PTPRD: variants seen among roughly 807,000 people sequenced by gnomAD.
The protein encoded by PTPRD is protein tyrosine phosphatase receptor type D, also known as receptor-type tyrosine-protein phosphatase delta.
Under a neutral mutation model 214.5 loss-of-function variants are expected in PTPRD, and 34 were observed. The observed-to-expected ratio is 0.16, with a 90% confidence interval of 0.12 to 0.21. The LOEUF is 0.21. Among genes scored for constraint, PTPRD ranks in the 10% least tolerant of loss-of-function variants. The pLI is 1.00. For missense variants in PTPRD, 2,545 were observed against 2,398.7 expected, an observed-to-expected ratio of 1.06 and a Z score of -1.27; for synonymous variants, 1,128 against 845.7, an observed-to-expected ratio of 1.33 and a Z score of -5.79.
intron 3 of PTPRD, among the ~76,000 whole-genome samples, chr9:10,088,727 C>T (rs543964606): frequency 9.2e-5 from 14 of 151,816 alleles, no homozygotes; most frequent in South Asian, 6.2e-4. Flanking sequence ...AACATGTTTC[C>T]TATCTACATC....
At chr9:8,988,479 T>C (rs2099354056) in intron 11 of PTPRD, among the ~76,000 whole-genome samples, 1 of 152,092 alleles carries the variant, frequency 6.6e-6, no homozygotes, top group African/African-American at 2.4e-5. Context: ...GTGTTCATTA[T>C]TTAGGGTCAG....
intron 5 of PTPRD, among the ~76,000 whole-genome samples, chr9:9,797,949 G>A (rs531321277): frequency 2.6e-5 from 4 of 152,262 alleles, no homozygotes; most frequent in African/African-American, 9.6e-5. Flanking sequence ...ATAAAAGTAA[G>A]TTAAAGAGTT....
At chr9:10,288,479 G>A (rs966168678) in intron 3 of PTPRD, among the ~76,000 whole-genome samples, 2 of 152,096 alleles carry the variant, frequency 1.3e-5, no homozygotes, top group African/African-American at 2.4e-5. Context: ...TTTCAGAAAT[G>A]CAGAAGTAGA....
intron 9 of PTPRD, among the ~76,000 whole-genome samples, chr9:9,375,946 A>G (rs1460300501): frequency 6.6e-6 from 1 of 152,190 alleles, no homozygotes; most frequent in African/African-American, 2.4e-5. Context: ...CTTGCATGTT[A>G]CACATATTTT....
chr9:8,716,163 T>C (rs751434498), intron 12 of PTPRD, among the ~76,000 whole-genome samples: 40 of 152,160 alleles, frequency 2.6e-4, no homozygotes, highest in Non-Finnish European at 4.9e-4. Context: ...CTCCAGAGGA[T>C]GGATGAAACC....
chr9:10,551,755 C>T (rs1429349490), intron 2 of PTPRD, among the ~76,000 whole-genome samples: 1 of 152,184 alleles, frequency 6.6e-6, no homozygotes, highest in Non-Finnish European at 1.5e-5. Flanking sequence ...TTGCTTCCCA[C>T]TATTGCTTCC....
At chr9:10,514,995 G>A (rs2049548831) in intron 2 of PTPRD, among the ~76,000 whole-genome samples, 1 of 151,766 alleles carries the variant, frequency 6.6e-6, no homozygotes, top group Non-Finnish European at 1.5e-5. Context: ...TTTCTGAAGA[G>A]GAAAAAAGAG....
At chr9:8,445,524 A>C (rs1463768176) in intron 34 of PTPRD, among the ~76,000 whole-genome samples, 3 of 152,176 alleles carry the variant, frequency 2.0e-5, no homozygotes, top group Non-Finnish European at 4.4e-5. Context: ...ATGAAAGTGT[A>C]CAAGCACAAA....
chr9:9,285,228 T>C (rs1031884804), intron 9 of PTPRD, among the ~76,000 whole-genome samples: 2 of 151,794 alleles, frequency 1.3e-5, no homozygotes, highest in African/African-American at 4.8e-5. Context: ...ACTTGTCTTG[T>C]CACTTTTTCT....
intron 12 of PTPRD, among the ~76,000 whole-genome samples, chr9:8,683,834 G>A (rs557117581): frequency 1.3e-5 from 2 of 152,176 alleles, no homozygotes; most frequent in Admixed American, 1.3e-4. Flanking sequence ...TTTCTTCCCC[G>A]ACCAGAACCA....
chr9:8,323,625 C>T (rs1434307744), intron 44 of PTPRD, among the ~76,000 whole-genome samples: 1 of 152,048 alleles, frequency 6.6e-6, no homozygotes, highest in African/African-American at 2.4e-5. Flanking sequence ...ATAACTAGAA[C>T]TAGAAGTGGA....
chr9:8,829,567 C>T (rs10758997), intron 11 of PTPRD, among the ~76,000 whole-genome samples: 73,470 of 151,990 alleles, frequency 0.48, 18,698 homozygotes, highest in African/African-American at 0.65. Flanking sequence ...ACACATCACA[C>T]TGGGTTAGAA....
intron 39 of PTPRD, among the ~76,000 whole-genome samples, chr9:8,343,509 T>TGAGATCCATGAAGTCTCATTTTATTTA (rs1588171181): frequency 6.6e-6 from 1 of 152,066 alleles, no homozygotes; most frequent in East Asian, 1.9e-4. Flanking sequence ...TCCAGTTCCT[T>TGAGATCCATGAAGTCTCATTTTATTTA]GAGATCCATG....
chr9:9,894,222 T>C (rs941019341), intron 5 of PTPRD, among the ~76,000 whole-genome samples: 3 of 152,060 alleles, frequency 2.0e-5, no homozygotes, highest in East Asian at 3.9e-4. Context: ...TCTCTCTGCC[T>C]CTGTTATGGG....
intron 9 of PTPRD, among the ~76,000 whole-genome samples, chr9:9,247,902 C>A (rs1246324069): frequency 1.3e-5 from 2 of 152,090 alleles, no homozygotes; most frequent in South Asian, 2.1e-4. Flanking sequence ...TGCTATCTCA[C>A]TTATTACTCT....
At chr9:9,366,716 C>A (rs1016015920) in intron 9 of PTPRD, among the ~76,000 whole-genome samples, 1 of 150,922 alleles carries the variant, frequency 6.6e-6, no homozygotes, top group Admixed American at 6.6e-5. Context: ...TTTAAAATAA[C>A]GAATCATTAA....
At chr9:8,534,587 C>A (rs548510025) in intron 14 of PTPRD, among the ~76,000 whole-genome samples, 2 of 150,630 alleles carry the variant, frequency 1.3e-5, no homozygotes, top group Non-Finnish European at 3.0e-5. Flanking sequence ...AAATGATAGA[C>A]GAGTAATATG....
At chr9:10,285,357 A>T (rs1257187692) in intron 3 of PTPRD, among the ~76,000 whole-genome samples, 4 of 152,202 alleles carry the variant, frequency 2.6e-5, no homozygotes, top group Non-Finnish European at 5.9e-5. Flanking sequence ...AACTTTAAAA[A>T]GCATTTTGTC....
intron 25 of PTPRD, among the ~76,000 whole-genome samples, chr9:8,498,303 A>G (rs10114412): frequency 0.36 from 55,169 of 151,920 alleles, 10,320 homozygotes; most frequent in African/African-American, 0.47. Context: ...TTGAGATGCA[A>G]TCTTCCTCTG....
Sources: allele counts gnomAD v4.1 joint callset (sites outside exome capture counted in the v4.1 genomes callset), GRCh38; gene constraint gnomAD v4.1.1; transcripts MANE v1.5; gene names NCBI Gene and HGNC (gene_info 2026-07-23, HGNC 2026-07-21).